The following OSBPL1A variants were observed in gnomAD, a reference collection of about 807,000 sequenced individuals.
OSBPL1A encodes the protein oxysterol binding protein like 1A.
In OSBPL1A, 80 loss-of-function variants were observed where a neutral mutation model predicts 137.1. The observed-to-expected ratio is 0.58, with a 90% CI of 0.49 to 0.70. The LOEUF (loss-of-function observed/expected upper bound fraction) is 0.70, where lower values mean the gene tolerates loss of function less well. Ranked by LOEUF, OSBPL1A falls within the 30% of genes least tolerant of loss-of-function variation. The pLI is 0.00. For synonymous variants in OSBPL1A, 365 were observed against 389.7 expected, an observed-to-expected ratio of 0.94 and a Z score of 0.75; for missense variants, 970 against 1,129.4, an observed-to-expected ratio of 0.86 and a Z score of 2.02.
chr18:24,242,738 T>A (rs2088744970), intron 15 of OSBPL1A, among the ~76,000 whole-genome samples: 1 of 152,154 alleles, frequency 6.6e-6, no homozygotes, highest in Non-Finnish European at 1.5e-5. Context: ...ACAGCTGTGA[T>A]AATGAAATAA....
At chr18:24,177,545 G>A (rs984184755) in intron 21 of OSBPL1A, among the ~76,000 whole-genome samples, 4 of 152,160 alleles carry the variant, frequency 2.6e-5, no homozygotes, top group Non-Finnish European at 5.9e-5. Flanking sequence ...ATAGGGTATC[G>A]TATGCTTATT....
At chr18:24,166,524 G>T in intron 26 of OSBPL1A, 55 bp downstream of exon 26, 1 of 1,563,602 alleles carries the variant, frequency 6.4e-7, no homozygotes, top group Non-Finnish European at 8.6e-7. Flanking sequence ...AATAAACAAA[G>T]CATCATCCCC....
chr18:24,271,440 TG>T lies in OSBPL1A; in HGVS notation c.1281+9401del. The T allele has an allele frequency of 2.0e-6, 1 of 511,674 alleles. No individual in the cohort carries two copies. Among genetic ancestry groups the T allele is most frequent in the Non-Finnish European group, 2.5e-6 (1 of 397,078 alleles). The allele number at this position is 511,674 out of a possible 1,614,324, so 31.7% of individuals were successfully genotyped here. A position where few individuals can be genotyped will look rare whatever the true frequency, so the allele number is the denominator to read the frequency against. ...TGGGAAGAGAGCAGGGTCTCCCGGC[TG>T]GTGCGCCCCTCCCCACGCGCCCGCG... On this transcript the variant is annotated intron_variant, in intron 15 of 27. Transcript: ENST00000319481. The surrounding 1 kb of genome is among the most constrained non-coding windows in gnomAD (Gnocchi z 4.0).
intron 17 of OSBPL1A, among the ~76,000 whole-genome samples, chr18:24,219,542 C>T (rs2087818889): frequency 6.6e-6 from 1 of 152,076 alleles, no homozygotes; most frequent in African/African-American, 2.4e-5. Flanking sequence ...TAAGCATAGC[C>T]TTACAGATTA....
chr18:24,292,888 T>C (rs945863258), intron 14 of OSBPL1A, among the ~76,000 whole-genome samples: 2 of 151,980 alleles, frequency 1.3e-5, no homozygotes, highest in Non-Finnish European at 2.9e-5. Flanking sequence ...GGTGGATCAC[T>C]TGAGGTCAGG....
chr18:24,376,664 G>C (rs1906169606), intron 2 of OSBPL1A, among the ~76,000 whole-genome samples: 1 of 152,252 alleles, frequency 6.6e-6, no homozygotes, highest in South Asian at 2.1e-4. Flanking sequence ...GGCCGCACAG[G>C]AGCCCATGGA....
Position 24,271,761 on chromosome 18 carries a change from G to A in OSBPL1A, c.1281+9081C>T, listed in dbSNP as rs2089725647. The A allele has an allele frequency of 1.0e-6, 1 of 985,466 alleles. No homozygotes were observed. The allele number at this position is 985,466 out of a possible 1,614,324, so 61.0% of individuals were successfully genotyped here. ...GCCGATCCGGGAGGCGCGACCCAGG[G>A]CGGCCCGCAAGGTCTCCCTAAGTCA... On this transcript the variant is annotated intron_variant, in intron 15 of 27. Transcript: ENST00000319481. This position sits in a 1 kb window ranked among gnomAD's most constrained non-coding sequence, Gnocchi z 4.0.
At chr18:24,219,679 GA>G (rs2087824381) in intron 17 of OSBPL1A, among the ~76,000 whole-genome samples, 1 of 152,066 alleles carries the variant, frequency 6.6e-6, no homozygotes, top group South Asian at 2.1e-4. Context: ...GCTAGAACTG[GA>G]AGCAGTTCTA....
intron 4 of OSBPL1A, chr18:24,358,149 T>C (rs1193299638): frequency 7.4e-6 from 3 of 402,942 alleles, no homozygotes; most frequent in Non-Finnish European, 1.3e-5. Flanking sequence ...CCTGGTATTC[T>C]CTTGTCCAAT....
chr18:24,215,574 T>C (rs943362240), intron 17 of OSBPL1A, among the ~76,000 whole-genome samples: 2 of 152,122 alleles, frequency 1.3e-5, no homozygotes, highest in Non-Finnish European at 2.9e-5. Context: ...AAAAGGAAAA[T>C]TCCTCCTAAG....
At chr18:24,385,937 G>C (rs1448006757) in intron 1 of OSBPL1A, among the ~76,000 whole-genome samples, 4 of 152,194 alleles carry the variant, frequency 2.6e-5, no homozygotes, top group Non-Finnish European at 5.9e-5. Context: ...TGAGGAAGAA[G>C]AGAAGCCCAA....
chr18:24,191,066 C>G lies in OSBPL1A; in HGVS notation c.1677+5059G>C, dbSNP rs148552839. ...TTTTCTCAACCCTTTCTCAGTATTG[C>G]AAGGTACAACTGAGTGATAAAAACA... On this transcript the variant is annotated intron_variant, in intron 18 of 27. Transcript: ENST00000319481. Among the ~76,000 whole-genome samples, 8 of 152,310 alleles carry G rather than the reference C, an allele frequency of 5.3e-5. No individual in the cohort carries two copies. In the East Asian group the frequency reaches 1.5e-3, roughly 29 times the overall value.
At chr18:24,168,805 T>C (rs2086204436) in intron 24 of OSBPL1A, among the ~76,000 whole-genome samples, 1 of 152,152 alleles carries the variant, frequency 6.6e-6, no homozygotes, top group African/African-American at 2.4e-5. Flanking sequence ...AAGCAGTGGA[T>C]GTGTGAGAAT....
chr18:24,377,329 T>C (rs1906258267), intron 2 of OSBPL1A, 84 bp downstream of exon 2: 2 of 1,435,682 alleles, frequency 1.4e-6, no homozygotes, highest in Non-Finnish European at 1.8e-6. Context: ...AATTACATGA[T>C]AGATAAGAAA....
chr18:24,175,699 A>G (rs766982444), intron 21 of OSBPL1A, among the ~76,000 whole-genome samples: 2 of 152,188 alleles, frequency 1.3e-5, no homozygotes, highest in Non-Finnish European at 2.9e-5. Context: ...TATCATATCC[A>G]TAAGAGTTCT....
intron 14 of OSBPL1A, among the ~76,000 whole-genome samples, chr18:24,291,531 C>T (rs1013052798): frequency 2.0e-5 from 3 of 152,058 alleles, no homozygotes; most frequent in African/African-American, 7.2e-5. Flanking sequence ...CAACATATGT[C>T]TATTAAGAGT....
rs2088658908 is a variant in OSBPL1A at position 24,240,499 on chromosome 18, G to A, written c.1282-1117C>T. ...TGCCTATTTTCATATCAGTAGTCCG[G>A]AAATCACTACTATGCCTTAATCTTG... On this transcript the variant is annotated intron_variant, in intron 15 of 27. Coordinates refer to ENST00000319481, the MANE Select transcript of OSBPL1A (RefSeq NM_080597.4). Among the ~76,000 whole-genome samples the A allele has an allele frequency of 2.0e-5, 3 of 152,222 alleles. No homozygotes were observed. In the South Asian group the frequency reaches 6.2e-4, roughly 32 times the overall value.
intron 4 of OSBPL1A, among the ~76,000 whole-genome samples, chr18:24,365,023 A>AAC (rs1470835632): frequency 8.6e-6 from 1 of 116,018 alleles, no homozygotes; most frequent in Non-Finnish European, 1.9e-5. Flanking sequence ...AAAAAACAAC[A>AAC]ACAAAAAAAA....
chr18:24,347,115 C>G (rs1365441060), intron 4 of OSBPL1A, among the ~76,000 whole-genome samples: 1 of 152,084 alleles, frequency 6.6e-6, no homozygotes, highest in Non-Finnish European at 1.5e-5. Context: ...GAAAGATATA[C>G]TTTTTCTATA....
Sources: allele counts gnomAD v4.1 joint callset (sites outside exome capture counted in the v4.1 genomes callset), GRCh38; gene constraint gnomAD v4.1.1; non-coding constraint Gnocchi (gnomAD v3.1); transcripts MANE v1.5; gene names NCBI Gene and HGNC (gene_info 2026-07-23, HGNC 2026-07-21).